CHM: variants seen among roughly 807,000 people sequenced by gnomAD.
The protein encoded by CHM is CHM Rab escort protein, also known as rab proteins geranylgeranyltransferase component A 1.
A neutral mutation model predicts 49.0 loss-of-function variants in CHM; 10 were observed. The observed-to-expected ratio is 0.20, with a 90% CI of 0.13 to 0.35. CHM has a LOEUF of 0.35. Among genes scored for constraint, CHM ranks in the 10% least tolerant of loss-of-function variants. The pLI is 1.00. For missense variants in CHM, 455 were observed against 478.4 expected, an observed-to-expected ratio of 0.95 and a Z score of 0.46; for synonymous variants, 184 against 167.5, an observed-to-expected ratio of 1.10 and a Z score of -0.76.
At chrX:85,960,694 GGGATTACA>G (rs945734947) in intron 5 of CHM, among the ~76,000 whole-genome samples, 1 of 111,093 alleles carries the variant, frequency 9.0e-6, no homozygotes, top group African/African-American at 3.3e-5. Flanking sequence ...CCAAAGTGCT[GGGATTACA>G]GGACTGAGCC....
intron 8 of CHM, among the ~76,000 whole-genome samples, chrX:85,937,954 G>T (rs960541697): frequency 1.8e-5 from 2 of 111,174 alleles, no homozygotes; most frequent in East Asian, 5.6e-4. Context: ...ATATACTCAT[G>T]AGAGTCACAA....
intron 2 of CHM, among the ~76,000 whole-genome samples, chrX:86,017,802 G>T (rs1933369411): frequency 9.0e-6 from 1 of 111,449 alleles, no homozygotes; most frequent in Non-Finnish European, 1.9e-5. Context: ...ATTACACAAG[G>T]ATATCACAAT....
intron 2 of CHM, among the ~76,000 whole-genome samples, chrX:86,018,466 T>C (rs183965796): frequency 8.9e-6 from 1 of 112,224 alleles, no homozygotes. Context: ...CAAAATAGCT[T>C]GGCAATTTCT....
At chrX:85,898,444 T>C (rs1300166886) in intron 11 of CHM, among the ~76,000 whole-genome samples, 2 of 111,586 alleles carry the variant, frequency 1.8e-5, no homozygotes, top group Non-Finnish European at 3.8e-5. Flanking sequence ...CTTACTTCGT[T>C]ATCTTCAACC....
chrX:85,917,600 A>G, intron 8 of CHM, among the ~76,000 whole-genome samples: 1 of 111,520 alleles, frequency 9.0e-6, no homozygotes, highest in Non-Finnish European at 1.9e-5. Flanking sequence ...TATATTTCAG[A>G]ACCTGGATGG....
chrX:85,893,031 G>A (rs1160002108), intron 12 of CHM, among the ~76,000 whole-genome samples: 1 of 111,650 alleles, frequency 9.0e-6, no homozygotes, highest in Non-Finnish European at 1.9e-5. Context: ...TTCTGTGCTT[G>A]TTTTATCTGT....
At chrX:85,984,571 C>T (rs910482825) in intron 2 of CHM, among the ~76,000 whole-genome samples, 1 of 111,580 alleles carries the variant, frequency 9.0e-6, no homozygotes, top group Non-Finnish European at 1.9e-5. Context: ...AATATATACC[C>T]ACCTTATGAT....
At chrX:85,911,129 G>GTATATA (rs763538907) in intron 9 of CHM, 132 bp downstream of exon 9, 31 of 6,893 alleles carry the variant, frequency 4.5e-3, no homozygotes, top group African/African-American at 0.016. Context: ...GTGTGTATAT[G>GTATATA]TATATATATA....
In CHM at chrX:85,897,040, CATA is replaced by C. The variant is rs1569403707; in HGVS notation, c.1414-2759_1414-2757del. On this transcript the variant is annotated intron_variant, in intron 11 of 14. Coordinates refer to ENST00000357749, the MANE Select transcript of CHM (RefSeq NM_000390.4). ...ATATAATATATTAATTATATAATAACATAATATATAATACATTACATAATATAT... is the reference window on the plus strand; with the variant it reads ...ATATAATATATTAATTATATAATAACATATATAATACATTACATAATATAT... Among the ~76,000 whole-genome samples the C allele has an allele frequency of 1.2e-4, 11 of 90,618 alleles. No homozygotes were observed. In the South Asian group the frequency reaches 5.0e-3, roughly 41 times the overall value. The allele number at this position is 90,618 out of a possible 115,157, so 78.7% of individuals were successfully genotyped here.
chrX:85,993,045 C>G (rs1264725501), intron 2 of CHM, among the ~76,000 whole-genome samples: 1 of 111,784 alleles, frequency 8.9e-6, no homozygotes, highest in Non-Finnish European at 1.9e-5. Flanking sequence ...TTCACTGATT[C>G]AATTATCACT....
intron 9 of CHM, among the ~76,000 whole-genome samples, chrX:85,903,919 C>A (rs187552550): frequency 3.6e-4 from 40 of 111,165 alleles, no homozygotes; most frequent in African/African-American, 1.2e-3. Context: ...AGTACTAAGA[C>A]TCTAGGCTTA....
intron 2 of CHM, among the ~76,000 whole-genome samples, chrX:86,013,297 G>A (rs762399426): frequency 1.8e-5 from 2 of 111,803 alleles, no homozygotes; most frequent in East Asian, 2.8e-4. Flanking sequence ...CAGGCTGAGT[G>A]GGCGGGTCAC....
At chrX:86,027,009 T>C (rs765373774) in intron 2 of CHM, 36 of 116,051 alleles carry the variant, frequency 3.1e-4, no homozygotes, top group Admixed American at 2.0e-3. Flanking sequence ...GGGAAAAACA[T>C]AATTGTAGAT....
At chrX:85,995,470 A>C (rs1932397522) in intron 2 of CHM, among the ~76,000 whole-genome samples, 1 of 110,907 alleles carries the variant, frequency 9.0e-6, no homozygotes, top group Admixed American at 9.6e-5. Flanking sequence ...AACTTGAACC[A>C]GATCTCCTGA....
At chrX:86,041,179 C>A (rs1287237985) in intron 1 of CHM, among the ~76,000 whole-genome samples, 1 of 111,203 alleles carries the variant, frequency 9.0e-6, no homozygotes, top group Non-Finnish European at 1.9e-5. Flanking sequence ...TGACATGAGG[C>A]ATGGGAGATG....
At chrX:85,949,666 G>T (rs1194779827) in intron 8 of CHM, among the ~76,000 whole-genome samples, 1 of 110,408 alleles carries the variant, frequency 9.1e-6, no homozygotes, top group Non-Finnish European at 1.9e-5. Flanking sequence ...GGAAGAGCTT[G>T]TCTAGAAATA....
intron 8 of CHM, among the ~76,000 whole-genome samples, chrX:85,942,841 T>C (rs2147640859): frequency 9.3e-6 from 1 of 107,951 alleles, no homozygotes; most frequent in South Asian, 4.3e-4. Flanking sequence ...ACATGTGCCA[T>C]GTTGGTGTGC....
intron 8 of CHM, among the ~76,000 whole-genome samples, chrX:85,943,556 A>T (rs1444890140): frequency 8.9e-6 from 1 of 112,033 alleles, no homozygotes; most frequent in Non-Finnish European, 1.9e-5. Flanking sequence ...TTTCTAGAAT[A>T]CTGTAAGAAT....
chrX:85,889,344 T>TA (rs1925297698), intron 12 of CHM, among the ~76,000 whole-genome samples: 1 of 111,411 alleles, frequency 9.0e-6, no homozygotes, highest in Non-Finnish European at 1.9e-5. Context: ...CCAAAATCTA[T>TA]AAAAAACTTA....
Sources: allele counts gnomAD v4.1 joint callset (sites outside exome capture counted in the v4.1 genomes callset), GRCh38; gene constraint gnomAD v4.1.1; transcripts MANE v1.5; gene names NCBI Gene and HGNC (gene_info 2026-07-23, HGNC 2026-07-21).